FKBP1B: variants seen among roughly 807,000 people sequenced by gnomAD.
The protein encoded by FKBP1B is FKBP prolyl isomerase 1B, also known as peptidyl-prolyl cis-trans isomerase FKBP1B.
In FKBP1B, 4 loss-of-function variants were observed where a neutral mutation model predicts 13.5. The observed-to-expected ratio is 0.30, with a 90% CI of 0.15 to 0.68. FKBP1B has a LOEUF of 0.68. Ranked by LOEUF, FKBP1B falls within the 30% of genes least tolerant of loss-of-function variation. The pLI is 0.76. For synonymous variants in FKBP1B, 54 were observed against 53.6 expected (o/e 1.01, Z -0.03); for missense variants, 93 against 136.2 (o/e 0.68, Z 1.58).
At chr2:24,061,629 C>T (rs1664399301) in intron 3 of FKBP1B, among the ~76,000 whole-genome samples, 1 of 152,178 alleles carries the variant, frequency 6.6e-6, no homozygotes, top group Non-Finnish European at 1.5e-5. Flanking sequence ...TATATTCTAT[C>T]CAGCTTCCCC....
chr2:24,063,115 G>A lies in FKBP1B; in HGVS notation c.250G>A (p.Gly84Arg). 1 of 1,613,998 alleles carries A rather than the reference G, an allele frequency of 6.2e-7. No homozygotes were observed. The highest frequency in any genetic ancestry group is 8.5e-7 in the Non-Finnish European group (1 of 1,179,918). The change falls in exon 4 of 4, where the codon GGA (glycine) becomes AGA (arginine). Residue 84 changes from glycine (G) to arginine (R), a missense_variant. Transcript: ENST00000380986. ...GACCTGCACCCCTGATGTGGCATAT[G>A]GAGCCACGGGCCACCCCGGTGTCAT... ...KLTCTPDVAY[G>R]ATGHPGVIPP...
In FKBP1B at chr2:24,061,972, C is replaced by T. The variant is rs766781838; in HGVS notation, c.198+1046C>T. 8.0e-4 allele frequency among the ~76,000 whole-genome samples: 121 copies of T among 152,100 alleles called. 2 individuals are homozygous for T. Among genetic ancestry groups the T allele is most frequent in the Non-Finnish European group, 2.1e-4 (14 of 68,016 alleles). ...GCAAGCTCCGCGTCCTGGGTTCACG[C>T]CATTCTTCTGCCTCAGCCTCCCTAG... On this transcript the variant is annotated intron_variant, in intron 3 of 3. Transcript: ENST00000380986.
chr2:24,047,601 C>G (rs888532107), upstream of FKBP1B, among the ~76,000 whole-genome samples: 1 of 152,108 alleles, frequency 6.6e-6, no homozygotes, highest in Non-Finnish European at 1.5e-5. Context: ...TGGTAGTCCC[C>G]GTAAAACCAC....
At chr2:24,040,512 T>C in the FKBP1B span, among the ~76,000 whole-genome samples, 1 of 152,276 alleles carries the variant, frequency 6.6e-6, no homozygotes, top group East Asian at 1.9e-4. Flanking sequence ...TATCCCTCTA[T>C]TGAAATGACA....
chr2:24,045,070 G>C (rs1663569281), upstream of FKBP1B, among the ~76,000 whole-genome samples: 1 of 152,216 alleles, frequency 6.6e-6, no homozygotes, highest in Non-Finnish European at 1.5e-5. Flanking sequence ...GAATGGACCT[G>C]AGAAGGAAGA....
chr2:24,034,925 A>G, the FKBP1B span, among the ~76,000 whole-genome samples: 1 of 151,980 alleles, frequency 6.6e-6, no homozygotes, highest in Admixed American at 6.6e-5. Flanking sequence ...TTTTACATTT[A>G]TAAGTGTTTT....
At chr2:24,045,347 A>T (rs1474663919), upstream of FKBP1B, among the ~76,000 whole-genome samples, 1 of 152,136 alleles carries the variant, frequency 6.6e-6, no homozygotes, top group Non-Finnish European at 1.5e-5. Context: ...CATGCCTGTA[A>T]TCCCAGCACT....
upstream of FKBP1B, chr2:24,047,329 C>T (rs927759809): frequency 6.6e-6 from 1 of 152,122 alleles, no homozygotes; most frequent in African/African-American, 2.4e-5. Context: ...GTCTCACTGC[C>T]TCACAAAAAC....
the FKBP1B span, chr2:24,039,461 C>G: frequency 1.1e-3 from 1,843 of 1,614,160 alleles, 2 homozygotes; most frequent in Non-Finnish European, 1.4e-3. Flanking sequence ...GCATTCAGTC[C>G]AGTCCTGAGT....
chr2:24,039,905 C>T, the FKBP1B span, among the ~76,000 whole-genome samples: 1 of 152,020 alleles, frequency 6.6e-6, no homozygotes, highest in African/African-American at 2.4e-5. Flanking sequence ...TCAAGCGATT[C>T]TTCTGCCTCA....
chr2:24,049,503 T>G, upstream of FKBP1B: 1 of 251,154 alleles, frequency 4.0e-6, no homozygotes, highest in Non-Finnish European at 7.6e-6. Context: ...TAAATGTCTA[T>G]TGGACGGATG....
the FKBP1B span, chr2:24,037,592 T>C: frequency 7.3e-7 from 1 of 1,368,946 alleles, no homozygotes; most frequent in Non-Finnish European, 9.9e-7. Flanking sequence ...TAGAGCACCA[T>C]CTTCCTCATC....
At chr2:24,045,064 G>A (rs1389853351), upstream of FKBP1B, among the ~76,000 whole-genome samples, 1 of 152,202 alleles carries the variant, frequency 6.6e-6, no homozygotes, top group Non-Finnish European at 1.5e-5. Flanking sequence ...TATGCAGAAT[G>A]GACCTGAGAA....
the FKBP1B span, among the ~76,000 whole-genome samples, chr2:24,036,065 AAAATAAAT>A: frequency 1.0e-3 from 140 of 140,404 alleles, 1 homozygote; most frequent in African/African-American, 2.1e-3. Context: ...CTCCGTCTCA[AAAATAAAT>A]AAATAAATAA....
At chr2:24,037,777 C>A in the FKBP1B span, 28 of 1,614,146 alleles carry the variant, frequency 1.7e-5, no homozygotes, top group Admixed American at 1.7e-4. Flanking sequence ...AGAAAGACAC[C>A]GTTGCATTTC....
chr2:24,043,482 G>A, the FKBP1B span, among the ~76,000 whole-genome samples: 2,244 of 146,672 alleles, frequency 0.015, 40 homozygotes, highest in Non-Finnish European at 0.02. Flanking sequence ...GCAAGATACT[G>A]TCTCTACTTA....
At chr2:24,060,721 G>A in intron 2 of FKBP1B, 93 bp from the exon 3 acceptor site, 1 of 871,990 alleles carries the variant, frequency 1.1e-6, no homozygotes, top group Non-Finnish European at 1.9e-6. Context: ...GCAGGTGTGT[G>A]CAGAAAAGGC....
Position 24,063,483 on chromosome 2 carries a change from A to AC in FKBP1B, c.*292dup. The AC allele has an allele frequency of 3.0e-5, 10 of 332,924 alleles. No individual in the cohort carries two copies. The highest frequency in any genetic ancestry group is 2.6e-4 in the South Asian group (3 of 11,542). 20.6% of individuals were successfully genotyped at this position (332,924 alleles called of 1,614,324 possible). ...GACAGAACACAGATCTCTTGTTCGC[A>AC]CAATCTACACTGCCTTACCTTCACT... On this transcript the variant is annotated 3_prime_UTR_variant, in exon 4 of 4. Coordinates refer to ENST00000380986, the MANE Select transcript of FKBP1B (RefSeq NM_004116.5).
chr2:24,037,672 T>G, the FKBP1B span: 1 of 1,602,154 alleles, frequency 6.2e-7, no homozygotes, highest in Non-Finnish European at 8.5e-7. Flanking sequence ...CAAAGGAGAA[T>G]TTACCTGGTA....
Sources: allele counts gnomAD v4.1 joint callset (sites outside exome capture counted in the v4.1 genomes callset), GRCh38; gene constraint gnomAD v4.1.1; transcripts MANE v1.5; gene names NCBI Gene and HGNC (gene_info 2026-07-23, HGNC 2026-07-21).